ZNF469: variants seen among roughly 807,000 people sequenced by gnomAD.
ZNF469 encodes zinc finger protein 469.
Under a neutral mutation model 1.0 loss-of-function variants are expected in ZNF469, and 1 was observed. The observed-to-expected ratio is 1.00, with a 90% CI of 0.35 to 4.73. The LOEUF (loss-of-function observed/expected upper bound fraction) is 4.73, where lower values mean the gene tolerates loss of function less well. Among genes scored for constraint, ZNF469 ranks in the 30% most tolerant of loss-of-function variants. The pLI, the probability that ZNF469 is intolerant of heterozygous loss-of-function variation, is 0.16. For missense variants in ZNF469, 6,100 were observed against 5,356.3 expected, an observed-to-expected ratio of 1.14 and a Z score of -4.33; for synonymous variants, 2,703 against 2,363.4, an observed-to-expected ratio of 1.14 and a Z score of -4.17.
chr16:88,400,556 C>T (rs944679987), intron 1 of ZNF469, among the ~76,000 whole-genome samples: 18 of 152,208 alleles, frequency 1.2e-4, no homozygotes, highest in African/African-American at 4.3e-4. Flanking sequence ...AAAGGCCTTC[C>T]TGGGGCCAGG....
chr16:88,229,576 C>G, the ZNF469 span, among the ~76,000 whole-genome samples: 1 of 143,328 alleles, frequency 7.0e-6, no homozygotes, highest in Non-Finnish European at 1.5e-5. Context: ...CACGCTTGTG[C>G]GCTGATGTCA....
the ZNF469 span, among the ~76,000 whole-genome samples, chr16:88,286,057 T>C: frequency 6.6e-6 from 1 of 152,230 alleles, no homozygotes; most frequent in African/African-American, 2.4e-5. Flanking sequence ...GGAGCCCCAG[T>C]CCCAGCCCAC....
chr16:88,301,715 A>C, the ZNF469 span, among the ~76,000 whole-genome samples: 4 of 152,312 alleles, frequency 2.6e-5, no homozygotes, highest in South Asian at 8.3e-4. Flanking sequence ...GGGCAGGGCC[A>C]GCTTTGTCTC....
chr16:88,276,040 G>A, the ZNF469 span, among the ~76,000 whole-genome samples: 1 of 152,158 alleles, frequency 6.6e-6, no homozygotes, highest in Non-Finnish European at 1.5e-5. Flanking sequence ...GCATGATGCC[G>A]CCTGGCACCC....
chr16:88,270,078 G>A, the ZNF469 span, among the ~76,000 whole-genome samples: 225 of 152,308 alleles, frequency 1.5e-3, 2 homozygotes, highest in African/African-American at 5.2e-3. Context: ...ACTGGCATTC[G>A]TTAGTAGCTT....
At chr16:88,266,399 C>T in the ZNF469 span, among the ~76,000 whole-genome samples, 36 of 152,346 alleles carry the variant, frequency 2.4e-4, no homozygotes, top group Non-Finnish European at 4.4e-4. Flanking sequence ...GGAGACAGTA[C>T]GGCCTGTCGT....
At chr16:88,156,570 A>G in the ZNF469 span, among the ~76,000 whole-genome samples, 50 of 152,382 alleles carry the variant, frequency 3.3e-4, no homozygotes, top group African/African-American at 1.2e-3. Flanking sequence ...TTAGATTTAT[A>G]TCTTTGCAAT....
the ZNF469 span, among the ~76,000 whole-genome samples, chr16:88,172,205 G>A: frequency 3.6e-4 from 55 of 152,198 alleles, no homozygotes; most frequent in Non-Finnish European, 5.9e-4. Context: ...TGCAGAGAGG[G>A]CCCCTGGGGT....
chr16:88,316,426 G>A, the ZNF469 span, among the ~76,000 whole-genome samples: 9 of 152,202 alleles, frequency 5.9e-5, no homozygotes, highest in African/African-American at 1.4e-4. Context: ...CACTCCTTCC[G>A]GGGTTTTCAT....
At chr16:88,339,988 C>A in the ZNF469 span, among the ~76,000 whole-genome samples, 1 of 152,004 alleles carries the variant, frequency 6.6e-6, no homozygotes, top group Non-Finnish European at 1.5e-5. Flanking sequence ...TACTAAGATA[C>A]AAACCTTGGT....
the ZNF469 span, among the ~76,000 whole-genome samples, chr16:88,122,088 G>GAT: frequency 1.4e-5 from 2 of 145,604 alleles, no homozygotes; most frequent in Non-Finnish European, 3.1e-5. Flanking sequence ...CTGCGGCCTC[G>GAT]GCAGCCCCTC....
chr16:88,228,849 A>G, the ZNF469 span, among the ~76,000 whole-genome samples: 1 of 152,112 alleles, frequency 6.6e-6, no homozygotes, highest in South Asian at 2.1e-4. Context: ...AATGCAACAC[A>G]CACCAGTTTG....
chr16:88,258,865 C>T, the ZNF469 span, among the ~76,000 whole-genome samples: 4 of 152,252 alleles, frequency 2.6e-5, no homozygotes, highest in African/African-American at 7.2e-5. Flanking sequence ...CTCAAGGAAC[C>T]GAAGCTCAGA....
At chr16:88,328,686 C>G in the ZNF469 span, among the ~76,000 whole-genome samples, 2 of 152,176 alleles carry the variant, frequency 1.3e-5, no homozygotes, top group Admixed American at 6.5e-5. Flanking sequence ...AACCCTCAAG[C>G]GTTCCAGCCG....
chr16:88,262,385 G>A, the ZNF469 span, among the ~76,000 whole-genome samples: 3 of 152,268 alleles, frequency 2.0e-5, no homozygotes, highest in African/African-American at 7.2e-5. This position sits in a 1 kb window ranked among gnomAD's most constrained non-coding sequence, Gnocchi z 4.3. Flanking sequence ...GACTGGAGAG[G>A]GGCCATTTGG....
At position 88,427,910 on chromosome 16, in the gene ZNF469, T is replaced by A. The variant is rs1905800510; in HGVS notation, c.440T>A (p.Leu147His). 6.5e-7 allele frequency: 1 copy of A among 1,549,816 alleles called. No individual in the cohort carries two copies. Among genetic ancestry groups the A allele is most frequent in the South Asian group, 1.2e-5 (1 of 84,050 alleles). ...AACCCACAGCTGGAGGCTGCCCAGC[T>A]CCCTGAGGTGGACACCCCCCAGGGC... The part of the protein sequence containing the change: ...PENPQLEAAQ[L>H]PEVDTPQGPG... The change falls in exon 3 of 3, where the codon CTC becomes CAC. Residue 147 changes from leucine to histidine, a missense_variant. Leu to His is a moderately conservative substitution (Grantham distance 99). Coordinates refer to ENST00000565624, the MANE Select transcript of ZNF469 (RefSeq NM_001367624.2).
chr16:88,371,794 T>C, the ZNF469 span, among the ~76,000 whole-genome samples: 1 of 151,906 alleles, frequency 6.6e-6, no homozygotes, highest in South Asian at 2.1e-4. Context: ...TATACTATTC[T>C]GTGAGATCAT....
chr16:88,279,781 AGTGCTGTGCCACGCT>A, the ZNF469 span, among the ~76,000 whole-genome samples: 1 of 149,010 alleles, frequency 6.7e-6, no homozygotes. Flanking sequence ...GTGCACAGTT[AGTGCTGTGCCACGCT>A]GACACTCGGT....
the ZNF469 span, among the ~76,000 whole-genome samples, chr16:88,213,557 C>T: frequency 2.6e-5 from 4 of 152,208 alleles, no homozygotes; most frequent in African/African-American, 4.8e-5. Flanking sequence ...TGGAGAAGGA[C>T]GTGTGTGCTC....
Sources: gnomAD v4.1 joint callset for allele counts (sites outside exome capture counted in the v4.1 genomes callset) on GRCh38, gnomAD v4.1.1 for gene constraint, Gnocchi (gnomAD v3.1) non-coding constraint, MANE v1.5 for transcripts, NCBI Gene and HGNC (gene_info 2026-07-23, HGNC 2026-07-21) for gene names.